The following UBR4 variants were observed in gnomAD, a reference collection of about 807,000 sequenced individuals.
UBR4 encodes the protein E3 ubiquitin-protein ligase UBR4.
In UBR4, 124 loss-of-function variants were observed where a neutral mutation model predicts 575.6. That is an observed-to-expected ratio of 0.22 (90% confidence interval 0.19 to 0.25). UBR4 has a LOEUF of 0.25. UBR4 is among the 10% of genes least tolerant of loss of function. UBR4 has a pLI of 1.00. For missense variants in UBR4, 4,818 were observed against 6,478.8 expected (o/e 0.74, Z 8.80); for synonymous variants, 2,455 against 2,473.7 (o/e 0.99, Z 0.22).
chr1:19,170,901 G>A lies in UBR4; in HGVS notation c.3522-18C>T, dbSNP rs774285342. 21 of 1,613,890 alleles carry A rather than the reference G, an allele frequency of 1.3e-5. No individual in the cohort carries two copies. Among genetic ancestry groups the A allele is most frequent in the Non-Finnish European group, 1.6e-5 (19 of 1,179,980 alleles). Reference sequence around the variant, plus strand: ...AATAGGCTCTGGGGAAAAAACAGGGGGAAAGTGAAGCCATAAGATTCTAAT... The same window carrying A: ...AATAGGCTCTGGGGAAAAAACAGGGAGAAAGTGAAGCCATAAGATTCTAAT... On this transcript the variant is annotated intron_variant, in intron 25 of 105. Coordinates refer to ENST00000375254, the MANE Select transcript of UBR4 (RefSeq NM_020765.3).
At chr1:19,120,963 C>A (rs1455899566) in intron 68 of UBR4, among the ~76,000 whole-genome samples, 1 of 152,206 alleles carries the variant, frequency 6.6e-6, no homozygotes, top group African/African-American at 2.4e-5. Context: ...GTTCAGTGCA[C>A]TTTGACTTTT....
Position 19,119,641 on chromosome 1 carries a change from T to C in UBR4, c.10371A>G (p.Glu3457=), listed in dbSNP as rs749139277. 10 of 1,613,820 alleles carry C rather than the reference T, an allele frequency of 6.2e-6. No homozygotes were observed. In the Admixed American group the frequency reaches 1.7e-4, roughly 27 times the overall value. Residue 3457 remains glutamate, a synonymous_variant, in exon 70 of 106, where the codon GAA becomes GAG. Transcript: ENST00000375254. ...CAGCCTTACGACCATAGGCTGGGAG[T>C]TCTGGCCAGATGGACCACATCAGAT... ...LLDLMWSIWP[E]LPAYGRKAAQ...
chr1:19,088,623 G>A lies in UBR4; in HGVS notation c.14430+136C>T. On this transcript the variant is annotated intron_variant, in intron 98 of 105. Transcript: ENST00000375254. The surrounding 1 kb of genome is among the most constrained non-coding windows in gnomAD (Gnocchi z 4.0). ...CGATAGTAGTTCCACCTCTGAGAGGGCCGAACACACCTAGTTCCTTCCTCC... is the reference window on the plus strand; with the variant it reads ...CGATAGTAGTTCCACCTCTGAGAGGACCGAACACACCTAGTTCCTTCCTCC... 1 of 769,348 alleles carries A rather than the reference G, an allele frequency of 1.3e-6. No individual in the cohort carries two copies. The highest frequency in any genetic ancestry group is 2.1e-6 in the Non-Finnish European group (1 of 469,750). The allele number at this position is 769,348 out of a possible 1,614,324, so 47.7% of individuals were successfully genotyped here.
rs1395608037 is a variant in UBR4 at position 19,157,631 on chromosome 1, C to A, written c.5760+184G>T. Among the ~76,000 whole-genome samples the A allele has an allele frequency of 2.0e-5, 3 of 152,240 alleles. No homozygotes were observed. ...AGTCCTAGTCATACCAGCTCTAGGT[C>A]TAATCAAATCAATTCAGGGTTCAAG... On this transcript the variant is annotated intron_variant, in intron 40 of 105. Transcript: ENST00000375254. The surrounding 1 kb of genome is among the most constrained non-coding windows in gnomAD (Gnocchi z 4.4).
rs1219053469 is a variant in UBR4, at chr1:19,150,624, A to G, written c.7383T>C (p.Asp2461=). The G allele has an allele frequency of 1.9e-6, 3 of 1,613,952 alleles. No homozygotes were observed. In the South Asian group the frequency reaches 3.3e-5, roughly 18 times the overall value. ...SNLNQSNGTG[D]SDSAAPTTTS... ...TCGTAGTGGGGGCAGCTGAGTCGCT[A>G]TCTCCAGTGCCGTTGCTCTGGTTCA... Residue 2461 remains aspartate (D), a synonymous_variant, in exon 49 of 106, where the codon GAT becomes GAC. Transcript: ENST00000375254.
intron 17 of UBR4, among the ~76,000 whole-genome samples, chr1:19,180,424 G>A (rs1416214542): frequency 1.3e-5 from 2 of 151,636 alleles, no homozygotes; most frequent in Non-Finnish European, 2.9e-5. Context: ...TCTGGCCTCA[G>A]GTGATCTACC....
At chr1:19,186,740 A>T (rs1175279267) in intron 13 of UBR4, 83 bp from the exon 14 acceptor site, 3 of 1,359,352 alleles carry the variant, frequency 2.2e-6, no homozygotes, top group East Asian at 4.7e-5. Flanking sequence ...AATCTCTTTT[A>T]TTTTTTCCTA....
Position 19,153,542 on chromosome 1 carries a change from C to G in UBR4, c.6631-40G>C, listed in dbSNP as rs745359289. ...CAAAGGAGGGTCTTCGTTCCCACAC[C>G]CACAGATCAGCATCCTCACAGAAAA... On this transcript the variant is annotated intron_variant, in intron 45 of 105. Coordinates refer to ENST00000375254, the MANE Select transcript of UBR4 (RefSeq NM_020765.3). The surrounding 1 kb of genome is among the most constrained non-coding windows in gnomAD (Gnocchi z 4.1). 1.9e-6 allele frequency: 3 copies of G among 1,606,606 alleles called. No individual in the cohort carries two copies. The highest frequency in any genetic ancestry group is 1.7e-5 in the Admixed American group (1 of 59,848).
At chr1:19,184,694 T>C (rs867450508) in intron 15 of UBR4, among the ~76,000 whole-genome samples, 1 of 152,188 alleles carries the variant, frequency 6.6e-6, no homozygotes, top group South Asian at 2.1e-4. Context: ...TGACACTTAC[T>C]AGATAATACT....
chr1:19,168,248 GA>G (rs1054489855), intron 27 of UBR4, 64 bp from the exon 28 acceptor site: 44 of 1,414,102 alleles, frequency 3.1e-5, no homozygotes, highest in South Asian at 1.1e-4. Flanking sequence ...TTCTCACATG[GA>G]AAAAAAAACT....
At chr1:19,132,605 T>TAAAAAAAAAAAAAAAAAAAA in intron 60 of UBR4, among the ~76,000 whole-genome samples, 29 of 24,082 alleles carry the variant, frequency 1.2e-3, no homozygotes, top group Middle Eastern at 0.028. Flanking sequence ...TAAAAAATGG[T>TAAAAAAAAAAAAAAAAAAAA]AAAAAAAAAA....
intron 90 of UBR4, among the ~76,000 whole-genome samples, chr1:19,098,783 T>C (rs763930297): frequency 2.0e-5 from 3 of 152,206 alleles, no homozygotes; most frequent in Non-Finnish European, 2.9e-5. Flanking sequence ...ATTTAGTTTC[T>C]CAAACTCTAC....
rs1031794566 is a variant in UBR4 at position 19,093,551 on chromosome 1, T to C, written c.13938-65A>G. ...GACAAAACCCAGTCATGTCACCCTC[T>C]TGGTTAACAACTGTCAACAGCCTAT... On this transcript the variant is annotated intron_variant, in intron 95 of 105. Coordinates refer to ENST00000375254, the MANE Select transcript of UBR4 (RefSeq NM_020765.3). This position sits in a 1 kb window ranked among gnomAD's most constrained non-coding sequence, Gnocchi z 4.8. 1 of 1,550,930 alleles carries C rather than the reference T, an allele frequency of 6.4e-7. No individual in the cohort carries two copies. Among genetic ancestry groups the C allele is most frequent in the Non-Finnish European group, 8.8e-7 (1 of 1,134,502 alleles).
In UBR4 at chr1:19,153,453, C is replaced by T. The variant is rs2086010609; in HGVS notation, c.6680G>A (p.Arg2227Gln). 16 of 1,614,106 alleles carry T rather than the reference C, an allele frequency of 9.9e-6. No individual in the cohort carries two copies. The highest frequency in any genetic ancestry group is 1.4e-5 in the Non-Finnish European group (16 of 1,180,024). The change falls in exon 46 of 106, where the codon CGG (arginine) becomes CAG (glutamine). Residue 2227 changes from arginine (R) to glutamine (Q), a missense_variant. Arg to Gln is a conservative substitution (Grantham distance 43). This residue lies in a region of UBR4 where 461 missense variants were observed against 606.9 expected (regional missense o/e 0.76). Transcript: ENST00000375254. The surrounding 1 kb of genome is among the most constrained non-coding windows in gnomAD (Gnocchi z 4.1). The stretch of plus-strand genomic sequence containing the variant: ...CTCACACAGCAGAATCATTGTTGTC[C>T]GCTGCTGCTCATTGCAGGCCGTGTG... Reference protein sequence around the residue: ...IRHTACNEQQRTTMILLCEDG... With the variant: ...IRHTACNEQQQTTMILLCEDG...
At chr1:19,145,669 A>G (rs1052356126) in intron 53 of UBR4, 124 bp downstream of exon 53, 3 of 1,273,510 alleles carry the variant, frequency 2.4e-6, no homozygotes, top group Middle Eastern at 1.9e-4. Context: ...CTACTTCCCA[A>G]TTATGAGTTC....
At position 19,137,929 on chromosome 1, in the gene UBR4, T is replaced by A. The variant is rs575486336; in HGVS notation, c.8906+78A>T. The A allele has an allele frequency of 3.8e-5, 50 of 1,326,566 alleles. No individual in the cohort carries two copies. In the South Asian group the frequency reaches 9.9e-4, roughly 26 times the overall value. The allele number at this position is 1,326,566 out of a possible 1,614,324, so 82.2% of individuals were successfully genotyped here. ...ATGCTGTTATCACTACTCTACCTCC[T>A]GCAATTGATCAGTCCTACTATTCCT... is the stretch of plus-strand genomic sequence containing the variant. On this transcript the variant is annotated intron_variant, in intron 60 of 105. Coordinates refer to ENST00000375254, the MANE Select transcript of UBR4 (RefSeq NM_020765.3).
chr1:19,127,780 G>T, intron 62 of UBR4, 41 bp from the exon 63 acceptor site: 1 of 1,492,012 alleles, frequency 6.7e-7, no homozygotes, highest in South Asian at 1.1e-5. Flanking sequence ...CTACTTACTC[G>T]ATGCTTGAGG....
intron 11 of UBR4, among the ~76,000 whole-genome samples, chr1:19,191,073 A>T (rs993308743): frequency 6.6e-6 from 1 of 152,150 alleles, no homozygotes; most frequent in African/African-American, 2.4e-5. Context: ...AACCTGAACA[A>T]TTCTACCCCA....
At chr1:19,164,683 G>A (rs1316676621) in intron 32 of UBR4, 116 bp downstream of exon 32, 5 of 1,350,876 alleles carry the variant, frequency 3.7e-6, no homozygotes, top group African/African-American at 2.9e-5. Flanking sequence ...TCTAGAGAGA[G>A]GTAGATACAA....
Sources: gnomAD v4.1 joint callset for allele counts (sites outside exome capture counted in the v4.1 genomes callset) on GRCh38, gnomAD v4.1.1 for gene constraint, gnomAD v4.1.1 regional missense constraint, Gnocchi (gnomAD v3.1) non-coding constraint, MANE v1.5 for transcripts, NCBI Gene and HGNC (gene_info 2026-07-23, HGNC 2026-07-21) for gene names.